MICU2: variants seen among roughly 807,000 people sequenced by gnomAD.
MICU2 encodes mitochondrial calcium uptake 2, also known as calcium uptake protein 2, mitochondrial.
Under a neutral mutation model 60.4 loss-of-function variants are expected in MICU2, and 64 were observed. The ratio of observed to expected loss-of-function variants is 1.06; its 90% CI spans 0.87 to 1.31. The LOEUF (loss-of-function observed/expected upper bound fraction) is 1.31. MICU2 is among the 50% of genes most tolerant of loss of function. The pLI, the probability that MICU2 is intolerant of heterozygous loss-of-function variation, is 0.00. For missense variants in MICU2, 569 were observed against 531.0 expected (o/e 1.07, Z -0.70); for synonymous variants, 201 against 175.0 (o/e 1.15, Z -1.17).
chr13:21,537,478 T>C (rs1250864525), intron 4 of MICU2, among the ~76,000 whole-genome samples: 3 of 151,568 alleles, frequency 2.0e-5, no homozygotes, highest in Admixed American at 6.6e-5. Flanking sequence ...TCTTTTTTTT[T>C]TTTTTTTTGA....
intron 2 of MICU2, among the ~76,000 whole-genome samples, chr13:21,541,426 G>A (rs980636213): frequency 4.6e-5 from 7 of 152,182 alleles, no homozygotes; most frequent in African/African-American, 1.7e-4. Flanking sequence ...AGAATTACAG[G>A]TAAAAAGTAA....
rs978733152 is a variant in MICU2, at chr13:21,553,558, G to A, written c.358+13239C>T. Among the ~76,000 whole-genome samples, 73 of 152,190 alleles carry A rather than the reference G, an allele frequency of 4.8e-4. 1 individual carries two copies. The highest frequency in any genetic ancestry group is 3.9e-4 in the East Asian group (2 of 5,180). ...GCACTAAACATGGAAAGGAACAACT[G>A]GTACCAGCCACTGCAAAAACATGCC... is the stretch of plus-strand genomic sequence containing the variant. On this transcript the variant is annotated intron_variant, in intron 2 of 11. Coordinates refer to ENST00000382374, the MANE Select transcript of MICU2 (RefSeq NM_152726.3).
chr13:21,544,126 C>T (rs1439760821), intron 2 of MICU2, among the ~76,000 whole-genome samples: 1 of 152,008 alleles, frequency 6.6e-6, no homozygotes, highest in Non-Finnish European at 1.5e-5. Flanking sequence ...AGAATGAAAC[C>T]AGATCTAACC....
intron 2 of MICU2, among the ~76,000 whole-genome samples, chr13:21,562,814 C>A (rs981329514): frequency 6.6e-6 from 1 of 152,126 alleles, no homozygotes; most frequent in Non-Finnish European, 1.5e-5. Context: ...ATTTTATATT[C>A]ATGTATTCCT....
chr13:21,500,417 ATTTTTTTTT>A (rs10608018), intron 9 of MICU2, among the ~76,000 whole-genome samples: 2 of 124,960 alleles, frequency 1.6e-5, no homozygotes, highest in Admixed American at 8.1e-5. Context: ...ATACCTACTG[ATTTTTTTTT>A]TTTTTTTTTT....
At chr13:21,507,140 GTTT>G (rs1011369240) in intron 8 of MICU2, among the ~76,000 whole-genome samples, 1 of 151,980 alleles carries the variant, frequency 6.6e-6, no homozygotes, top group African/African-American at 2.4e-5. Context: ...CATTTTTAAA[GTTT>G]TTGTTAATTT....
chr13:21,520,122 G>T (rs1051883248), intron 6 of MICU2, among the ~76,000 whole-genome samples: 8 of 152,124 alleles, frequency 5.3e-5, no homozygotes, highest in African/African-American at 1.9e-4. Context: ...ACTCGTCCAT[G>T]TTGCTGCATT....
intron 2 of MICU2, among the ~76,000 whole-genome samples, chr13:21,559,593 G>A (rs1887791588): frequency 6.6e-6 from 1 of 150,504 alleles, no homozygotes; most frequent in African/African-American, 2.4e-5. Context: ...GGTGCGATCT[G>A]GGCTCCTAGC....
At chr13:21,600,062 G>A (rs1888781058) in intron 1 of MICU2, among the ~76,000 whole-genome samples, 1 of 152,166 alleles carries the variant, frequency 6.6e-6, no homozygotes, top group Non-Finnish European at 1.5e-5. Context: ...AAACAAAAAT[G>A]TAATCTTTTT....
chr13:21,559,400 G>A (rs575267994), intron 2 of MICU2, among the ~76,000 whole-genome samples: 314 of 152,290 alleles, frequency 2.1e-3, no homozygotes, highest in Admixed American at 3.4e-3. Context: ...CCACTGCACA[G>A]GGGCAAATAT....
chr13:21,602,552 CAAAA>C (rs889103057), intron 1 of MICU2, among the ~76,000 whole-genome samples: 1 of 151,606 alleles, frequency 6.6e-6, no homozygotes. Context: ...AAAAAACAAA[CAAAA>C]AAACCAGGAT....
chr13:21,601,660 G>A (rs1477472799), intron 1 of MICU2, among the ~76,000 whole-genome samples: 2 of 151,936 alleles, frequency 1.3e-5, no homozygotes, highest in Non-Finnish European at 2.9e-5. Flanking sequence ...AGATGGATAA[G>A]TGAAATCAAG....
chr13:21,535,562 C>G (rs898192850), intron 4 of MICU2, among the ~76,000 whole-genome samples: 2 of 152,030 alleles, frequency 1.3e-5, no homozygotes, highest in African/African-American at 4.8e-5. Context: ...TAAAACCTTA[C>G]AAAATATTTA....
chr13:21,564,002 T>C (rs569743899), intron 2 of MICU2, among the ~76,000 whole-genome samples: 5 of 152,260 alleles, frequency 3.3e-5, no homozygotes, highest in African/African-American at 1.2e-4. Flanking sequence ...TGTTACACTA[T>C]TTTTGATTTT....
chr13:21,508,175 G>A (rs1387157518), intron 8 of MICU2, among the ~76,000 whole-genome samples: 1 of 150,810 alleles, frequency 6.6e-6, no homozygotes, highest in African/African-American at 2.4e-5. Flanking sequence ...ACCCAGGCTG[G>A]AGTGCAGTGG....
chr13:21,561,711 CTTTT>C (rs1171543592), intron 2 of MICU2, among the ~76,000 whole-genome samples: 36 of 133,370 alleles, frequency 2.7e-4, no homozygotes, highest in African/African-American at 9.2e-4. Flanking sequence ...TTTTTAGTCT[CTTTT>C]TTTTTATTAT....
chr13:21,601,547 G>C (rs1401734689), intron 1 of MICU2, among the ~76,000 whole-genome samples: 2 of 152,082 alleles, frequency 1.3e-5, no homozygotes, highest in African/African-American at 4.8e-5. Flanking sequence ...TGAGAGTTGG[G>C]AAGAGAATCC....
Position 21,510,065 on chromosome 13 carries a change from G to A in MICU2, c.700C>T (p.Leu234Phe). The A allele has an allele frequency of 6.5e-7, 1 of 1,527,958 alleles. No homozygotes were observed. Among genetic ancestry groups the A allele is most frequent in the Non-Finnish European group, 8.7e-7 (1 of 1,143,422 alleles). 94.7% of individuals were successfully genotyped at this position (1,527,958 alleles called of 1,614,324 possible). A position where few individuals can be genotyped will look rare whatever the true frequency, so the allele number is the denominator to read the frequency against. The change falls in exon 8 of 12, where the codon CTT (leucine) becomes TTT (phenylalanine). Residue 234 changes from leucine (L) to phenylalanine (F), a missense_variant. Transcript: ENST00000382374. ...IVKEPEINTT[L>F]QMRFFGKRGQ... Reference sequence around the variant, plus strand: ...CTTTTTCCAAAGAAACGCATCTGAAGAGTTGTGTTAATTTCAGGTTCTTTC... The same window carrying A: ...CTTTTTCCAAAGAAACGCATCTGAAAAGTTGTGTTAATTTCAGGTTCTTTC...
chr13:21,591,336 T>C (rs1593359535), intron 1 of MICU2, among the ~76,000 whole-genome samples: 1 of 152,084 alleles, frequency 6.6e-6, no homozygotes, highest in African/African-American at 2.4e-5. Flanking sequence ...TCTAAATATA[T>C]AGGCACCAAT....
Sources: allele counts gnomAD v4.1 joint callset (sites outside exome capture counted in the v4.1 genomes callset), GRCh38; gene constraint gnomAD v4.1.1; transcripts MANE v1.5; gene names NCBI Gene and HGNC (gene_info 2026-07-23, HGNC 2026-07-21).